GK5: variants seen among roughly 807,000 people sequenced by gnomAD.
The protein encoded by GK5 is glycerol kinase 5, also known as ATP:glycerol 3-phosphotransferase 5.
GK5 carries 39 observed loss-of-function variants against 77.3 expected under a neutral mutation model. That is an observed-to-expected ratio of 0.50 (90% confidence interval 0.39 to 0.66). The LOEUF is 0.66. GK5 is among the 30% of genes least tolerant of loss of function. The pLI is 0.00. For missense variants in GK5, 487 were observed against 633.8 expected, an observed-to-expected ratio of 0.77 and a Z score of 2.49; for synonymous variants, 211 against 208.0, an observed-to-expected ratio of 1.01 and a Z score of -0.13.
intron 3 of GK5, 146 bp from the exon 4 acceptor site, chr3:142,204,934 T>A: frequency 1.7e-6 from 1 of 599,840 alleles, no homozygotes. Context: ...TGATTTCTTC[T>A]TGATTTTATA....
At chr3:142,188,161 C>T (rs1444737747) in intron 5 of GK5, among the ~76,000 whole-genome samples, 1 of 151,958 alleles carries the variant, frequency 6.6e-6, no homozygotes, top group Non-Finnish European at 1.5e-5. Context: ...CTTTGGGAGG[C>T]CGAAGCAGGT....
At position 142,162,001 on chromosome 3, in the gene GK5, G is replaced by A. The variant is rs2063429108; in HGVS notation, c.*3621C>T. 3.3e-5 allele frequency: 5 copies of A among 152,000 alleles called. No homozygotes were observed. The highest frequency in any genetic ancestry group is 3.3e-4 in the Admixed American group (5 of 15,268). 9.4% of individuals were successfully genotyped at this position (152,000 alleles called of 1,614,324 possible). ...TTTTTGTAGAGATAGGGATTCGCCA[G>A]GTTGCCCAGGCTGGTCTCAAACTCC... On this transcript the variant is annotated 3_prime_UTR_variant, in exon 16 of 16. Coordinates refer to ENST00000392993, the MANE Select transcript of GK5 (RefSeq NM_001039547.3).
At chr3:142,197,232 A>G (rs2063947828) in intron 5 of GK5, among the ~76,000 whole-genome samples, 1 of 152,128 alleles carries the variant, frequency 6.6e-6, no homozygotes, top group East Asian at 1.9e-4. Context: ...GAAGTCTCCA[A>G]CTATCACTGC....
intron 2 of GK5, among the ~76,000 whole-genome samples, chr3:142,214,682 T>TG (rs2064246887): frequency 6.6e-6 from 1 of 152,226 alleles, no homozygotes; most frequent in Non-Finnish European, 1.5e-5. Flanking sequence ...CTAAATGCAA[T>TG]GCCTCCTCTT....
chr3:142,204,299 C>T (rs771534519), intron 4 of GK5: 15 of 262,194 alleles, frequency 5.7e-5, no homozygotes, highest in East Asian at 4.1e-4. Context: ...ATTACAGGCG[C>T]GAGCCATCAT....
At chr3:142,166,078 C>T (rs2063470312) in intron 15 of GK5, among the ~76,000 whole-genome samples, 1 of 152,084 alleles carries the variant, frequency 6.6e-6, no homozygotes, top group South Asian at 2.1e-4. Flanking sequence ...AAAACAATCC[C>T]AAGTGAAAAA....
chr3:142,204,061 C>T (rs937484764), intron 4 of GK5, among the ~76,000 whole-genome samples: 7 of 152,092 alleles, frequency 4.6e-5, no homozygotes, highest in African/African-American at 1.7e-4. Flanking sequence ...CCGTGTCACC[C>T]AGACAGAGTG....
intron 3 of GK5, among the ~76,000 whole-genome samples, chr3:142,209,879 C>A (rs1438966781): frequency 6.6e-6 from 1 of 152,048 alleles, no homozygotes; most frequent in Non-Finnish European, 1.5e-5. Flanking sequence ...CTAATTGGCA[C>A]ACACCCTGAT....
intron 11 of GK5, 85 bp from the exon 12 acceptor site, chr3:142,177,661 T>G: frequency 1.3e-6 from 1 of 761,412 alleles, no homozygotes; most frequent in Non-Finnish European, 2.3e-6. Context: ...TACATGATAG[T>G]ATTTACCTGC....
At chr3:142,171,080 A>C (rs2063530299) in intron 14 of GK5, among the ~76,000 whole-genome samples, 1 of 151,980 alleles carries the variant, frequency 6.6e-6, no homozygotes. Context: ...AATACAAAAA[A>C]ATTAGCTGGG....
At chr3:142,191,419 G>A (rs1485251071) in intron 5 of GK5, among the ~76,000 whole-genome samples, 3 of 152,054 alleles carry the variant, frequency 2.0e-5, no homozygotes, top group Admixed American at 2.0e-4. Context: ...AAAACTTTAA[G>A]TGGGGCTAGG....
At position 142,186,287 on chromosome 3, in the gene GK5, A is replaced by C. The variant is rs1446527949; in HGVS notation, c.682-20T>G. On this transcript the variant is annotated intron_variant, in intron 7 of 15. Coordinates refer to ENST00000392993, the MANE Select transcript of GK5 (RefSeq NM_001039547.3). The stretch of plus-strand genomic sequence containing the variant: ...ACACATCTGAGCATAAAAACGTATC[A>C]TCAGAATATACATATTTACATATAT... The C allele has an allele frequency of 1.3e-6, 2 of 1,484,172 alleles. No homozygotes were observed. Among genetic ancestry groups the C allele is most frequent in the Non-Finnish European group, 1.9e-6 (2 of 1,062,818 alleles). 91.9% of individuals were successfully genotyped at this position (1,484,172 alleles called of 1,614,324 possible). A position where few individuals can be genotyped will look rare whatever the true frequency, so the allele number is the denominator to read the frequency against.
At chr3:142,217,098 C>G (rs967100510) in intron 1 of GK5, among the ~76,000 whole-genome samples, 3 of 152,138 alleles carry the variant, frequency 2.0e-5, no homozygotes, top group African/African-American at 7.2e-5. Context: ...AAAAGATAAT[C>G]AAGAAATGTC....
chr3:142,207,521 T>C (rs999114969), intron 3 of GK5, among the ~76,000 whole-genome samples: 5 of 151,592 alleles, frequency 3.3e-5, no homozygotes, highest in African/African-American at 1.2e-4. Context: ...TATCTCTGTA[T>C]ACTGTACTTC....
At chr3:142,181,324 T>A (rs2063694548) in intron 11 of GK5, 137 bp downstream of exon 11, 1 of 513,912 alleles carries the variant, frequency 1.9e-6, no homozygotes, top group Non-Finnish European at 3.4e-6. Flanking sequence ...AAATACTTTA[T>A]ATTTTCTTTT....
intron 3 of GK5, among the ~76,000 whole-genome samples, chr3:142,205,364 C>A (rs1276874787): frequency 6.6e-6 from 1 of 152,212 alleles, no homozygotes; most frequent in Non-Finnish European, 1.5e-5. Flanking sequence ...CTGGCATCTA[C>A]TAATCAACAT....
chr3:142,225,017 G>C (rs2064407652), intron 1 of GK5, among the ~76,000 whole-genome samples: 1 of 152,188 alleles, frequency 6.6e-6, no homozygotes, highest in South Asian at 2.1e-4. Context: ...GGTAAGGCCG[G>C]ACAGGTGGCT....
At chr3:142,187,030 A>C (rs1290546464) in intron 6 of GK5, among the ~76,000 whole-genome samples, 1 of 152,148 alleles carries the variant, frequency 6.6e-6, no homozygotes, top group Non-Finnish European at 1.5e-5. Flanking sequence ...ACATGTTGTC[A>C]CTTTACGATC....
At chr3:142,223,991 C>G (rs984306447) in intron 1 of GK5, among the ~76,000 whole-genome samples, 1 of 152,118 alleles carries the variant, frequency 6.6e-6, no homozygotes, top group Non-Finnish European at 1.5e-5. Context: ...GGAAGAAGAA[C>G]GGGACACTGA....
Sources: allele counts gnomAD v4.1 joint callset (sites outside exome capture counted in the v4.1 genomes callset), GRCh38; gene constraint gnomAD v4.1.1; transcripts MANE v1.5; gene names NCBI Gene and HGNC (gene_info 2026-07-23, HGNC 2026-07-21).